NFIA: variants seen among roughly 807,000 people sequenced by gnomAD.
NFIA encodes the protein nuclear factor 1 A-type.
Under a neutral mutation model 62.8 loss-of-function variants are expected in NFIA, and 8 were observed. The ratio of observed to expected loss-of-function variants is 0.13; its 90% CI spans 0.07 to 0.23. The LOEUF is 0.23. Ranked by LOEUF, NFIA falls within the 10% of genes least tolerant of loss-of-function variation. The probability of loss-of-function intolerance (pLI) is 1.00; values close to 1 mark genes in which losing one functional copy is unlikely to be tolerated. For synonymous variants in NFIA, 235 were observed against 238.1 expected, an observed-to-expected ratio of 0.99 and a Z score of 0.12; for missense variants, 410 against 642.1, an observed-to-expected ratio of 0.64 and a Z score of 3.91.
At chr1:61,114,634 T>C (rs1479487496) in intron 2 of NFIA, among the ~76,000 whole-genome samples, 1 of 152,212 alleles carries the variant, frequency 6.6e-6, no homozygotes, top group Non-Finnish European at 1.5e-5. Flanking sequence ...CAATATTTGC[T>C]CTTCATTGGA....
chr1:61,239,356 A>C, intron 2 of NFIA, among the ~76,000 whole-genome samples: 1 of 152,192 alleles, frequency 6.6e-6, no homozygotes, highest in East Asian at 1.9e-4. Flanking sequence ...AATTATTATA[A>C]GTGATGTCTG....
At position 61,222,117 on chromosome 1, in the gene NFIA, G is replaced by T. The variant is rs534413392; in HGVS notation, c.560-55403G>T. Among the ~76,000 whole-genome samples, 32 of 152,230 alleles carry T rather than the reference G, an allele frequency of 2.1e-4. No homozygotes were observed. The South Asian group carries it at 3.7e-3, about 18-fold the overall frequency. ...TATGAAGTTTTAAAGTGATCTACGT[G>T]TTTTAAGTTTTACTGTAGAAATGGA... is the stretch of plus-strand genomic sequence containing the variant. On this transcript the variant is annotated intron_variant, in intron 2 of 10. Coordinates refer to ENST00000403491, the MANE Select transcript of NFIA (RefSeq NM_001134673.4).
intron 2 of NFIA, among the ~76,000 whole-genome samples, chr1:61,201,120 A>G (rs1652454710): frequency 6.6e-6 from 1 of 152,200 alleles, no homozygotes; most frequent in African/African-American, 2.4e-5. Context: ...GATCTCACAT[A>G]CTTTCTCAGA....
chr1:61,394,755 A>G (rs2100505924), intron 7 of NFIA, among the ~76,000 whole-genome samples: 1 of 152,234 alleles, frequency 6.6e-6, no homozygotes, highest in African/African-American at 2.4e-5. Flanking sequence ...CAGTAGGATT[A>G]CTCCTCAAAT....
chr1:61,246,944 T>C (rs1389198657), intron 2 of NFIA, among the ~76,000 whole-genome samples: 1 of 152,242 alleles, frequency 6.6e-6, no homozygotes, highest in Non-Finnish European at 1.5e-5. Flanking sequence ...CCTGAACTCA[T>C]TCCCTTTACC....
chr1:61,210,914 C>G (rs1383346072), intron 2 of NFIA, among the ~76,000 whole-genome samples: 3 of 152,182 alleles, frequency 2.0e-5, no homozygotes, highest in East Asian at 1.9e-4. Context: ...ATTTAGAAAA[C>G]TAGAGAAATG....
At chr1:61,342,360 A>G (rs991124360) in intron 4 of NFIA, among the ~76,000 whole-genome samples, 3 of 152,160 alleles carry the variant, frequency 2.0e-5, no homozygotes, top group Admixed American at 6.5e-5. Context: ...TGTGGCAAAA[A>G]GACCTCTTAG....
At chr1:61,112,146 CTA>C (rs1228771200) in intron 2 of NFIA, among the ~76,000 whole-genome samples, 1 of 149,294 alleles carries the variant, frequency 6.7e-6, no homozygotes, top group African/African-American at 2.5e-5. Context: ...TAAAAAAAAA[CTA>C]TGCTCTAAAA....
intron 3 of NFIA, among the ~76,000 whole-genome samples, chr1:61,289,084 A>C (rs1392025652): frequency 1.3e-5 from 2 of 152,124 alleles, no homozygotes; most frequent in African/African-American, 2.4e-5. Flanking sequence ...CTTCTAAGAA[A>C]ATTTTGACCA....
At chr1:61,083,679 C>T (rs1646162419) in intron 1 of NFIA, among the ~76,000 whole-genome samples, 1 of 151,464 alleles carries the variant, frequency 6.6e-6, no homozygotes, top group South Asian at 2.1e-4. Flanking sequence ...GGCCGCGGGC[C>T]GCGGGCCGGG....
rs540318784 is a variant in NFIA at position 61,405,018 on chromosome 1, A to G, written c.1254+736A>G. Among the ~76,000 whole-genome samples the G allele has an allele frequency of 2.0e-5, 3 of 152,336 alleles. No individual in the cohort carries two copies. The South Asian group carries it at 6.2e-4, about 32-fold the overall frequency. Reference sequence around the variant, plus strand: ...GCTGTATCTCAAGGCCAATAATAATAAACAACGACCAGCATAAAGCCAAAT... The same window carrying G: ...GCTGTATCTCAAGGCCAATAATAATGAACAACGACCAGCATAAAGCCAAAT... On this transcript the variant is annotated intron_variant, in intron 8 of 10. Coordinates refer to ENST00000403491, the MANE Select transcript of NFIA (RefSeq NM_001134673.4).
intron 2 of NFIA, among the ~76,000 whole-genome samples, chr1:61,160,022 C>T (rs952903264): frequency 6.6e-6 from 1 of 152,126 alleles, no homozygotes; most frequent in African/African-American, 2.4e-5. Flanking sequence ...CATAAGGCAG[C>T]AAGGACATTT....
intron 2 of NFIA, among the ~76,000 whole-genome samples, chr1:61,178,877 A>G (rs972278653): frequency 7.2e-5 from 11 of 152,230 alleles, no homozygotes; most frequent in African/African-American, 2.7e-4. Context: ...GCATATACTC[A>G]ATAACGGATG....
Position 61,383,314 on chromosome 1 carries a change from C to T in NFIA, c.1024C>T (p.Leu342=), listed in dbSNP as rs1664515171. 3 of 1,613,934 alleles carry T rather than the reference C, an allele frequency of 1.9e-6. No individual in the cohort carries two copies. Among genetic ancestry groups the T allele is most frequent in the Admixed American group, 1.7e-5 (1 of 59,990 alleles). The change falls in exon 7 of 11, where the codon CTG becomes TTG. Residue 342 remains leucine, a synonymous_variant. Coordinates refer to ENST00000403491, the MANE Select transcript of NFIA (RefSeq NM_001134673.4). ...CCCCTCCCCTTCACAGACCTCCTCC[C>T]TGGGAACGGCGTTCACACAGCATCA... is the stretch of plus-strand genomic sequence containing the variant. ...SSPSPSQTSS[L]GTAFTQHHRP... is the part of the protein sequence containing the mutation.
chr1:61,126,562 A>G (rs925012856), intron 2 of NFIA, among the ~76,000 whole-genome samples: 1 of 152,008 alleles, frequency 6.6e-6, no homozygotes, highest in South Asian at 2.1e-4. Flanking sequence ...CTTAAAGAAT[A>G]TGAGTATCAG....
intron 3 of NFIA, among the ~76,000 whole-genome samples, chr1:61,283,576 T>C: frequency 4.0e-5 from 1 of 25,006 alleles, no homozygotes; most frequent in Admixed American, 6.8e-4. Context: ...AACGAGACTC[T>C]GTCTCAAAAA....
At chr1:61,162,314 A>C (rs1649270834) in intron 2 of NFIA, among the ~76,000 whole-genome samples, 1 of 152,144 alleles carries the variant, frequency 6.6e-6, no homozygotes, top group African/African-American at 2.4e-5. Context: ...TAAACTCCTA[A>C]TGTGTTAAAC....
intron 2 of NFIA, among the ~76,000 whole-genome samples, chr1:61,102,789 C>T (rs569585740): frequency 2.6e-5 from 4 of 152,178 alleles, no homozygotes; most frequent in African/African-American, 9.6e-5. Flanking sequence ...TCTGGAAGAA[C>T]GATTGCCTGT....
rs560148398 is a variant in NFIA at position 61,159,338 on chromosome 1, G to T, written c.559+70658G>T. ...GAAAGCATTGATCTTGGAATTAGAT[G>T]ACCTGGTTTCTAGGCCTATCTACCC... On this transcript the variant is annotated intron_variant, in intron 2 of 10. Coordinates refer to ENST00000403491, the MANE Select transcript of NFIA (RefSeq NM_001134673.4). 3.3e-5 allele frequency among the ~76,000 whole-genome samples: 5 copies of T among 152,240 alleles called. No homozygotes were observed. In the South Asian group the frequency reaches 1.0e-3, roughly 32 times the overall value.
Sources: gnomAD v4.1 joint callset for allele counts (sites outside exome capture counted in the v4.1 genomes callset) on GRCh38, gnomAD v4.1.1 for gene constraint, MANE v1.5 for transcripts, NCBI Gene and HGNC (gene_info 2026-07-23, HGNC 2026-07-21) for gene names.